MYH1: variants seen among roughly 807,000 people sequenced by gnomAD.
The protein encoded by MYH1 is myosin-1.
A neutral mutation model predicts 225.6 loss-of-function variants in MYH1; 214 were observed. The ratio of observed to expected loss-of-function variants is 0.95; its 90% CI spans 0.85 to 1.06. The LOEUF (loss-of-function observed/expected upper bound fraction) is 1.06, where lower values mean the gene tolerates loss of function less well. Among genes scored for constraint, MYH1 ranks in the 50% least tolerant of loss-of-function variants. The pLI is 0.00. For missense variants in MYH1, 2,098 were observed against 2,344.2 expected (o/e 0.89, Z 2.17); for synonymous variants, 774 against 842.3 (o/e 0.92, Z 1.40).
At chr17:10,503,287 TTC>T (rs1387653331) in intron 22 of MYH1, 39 bp from the exon 23 acceptor site, 1 of 1,594,148 alleles carries the variant, frequency 6.3e-7, no homozygotes, top group Admixed American at 1.8e-5. Flanking sequence ...TTTATGAAAA[TTC>T]CTAGACATTT....
chr17:10,513,867 G>A lies in MYH1; in HGVS notation c.695C>T (p.Ala232Val), dbSNP rs778512147. 2 of 1,614,166 alleles carry A rather than the reference G, an allele frequency of 1.2e-6. No individual in the cohort carries two copies. Among genetic ancestry groups the A allele is most frequent in the East Asian group, 2.2e-5 (1 of 44,874 alleles). The stretch of plus-strand genomic sequence containing the variant: ...CCTCACGGTCTTGGCGTTGCCAAAG[G>A]CCTCCAGTAGGGGGTTGGCACTGAT... The part of the protein sequence containing the change: ...QIISANPLLE[A>V]FGNAKTVRND... The change falls in exon 8 of 40, where the codon GCC (alanine) becomes GTC (valine). Residue 232 changes from alanine to valine, a missense_variant. Transcript: ENST00000226207.
At chr17:10,506,389 A>C (rs536295018) in intron 17 of MYH1, among the ~76,000 whole-genome samples, 1 of 152,296 alleles carries the variant, frequency 6.6e-6, no homozygotes, top group East Asian at 1.9e-4. Context: ...AAATATATGG[A>C]AATACTCTAC....
chr17:10,508,297 G>A (rs1287942683), intron 16 of MYH1, 66 bp downstream of exon 16: 7 of 1,502,554 alleles, frequency 4.7e-6, no homozygotes, highest in Non-Finnish European at 5.4e-6. Flanking sequence ...GGGATTACAG[G>A]CACCGTGTCT....
Position 10,512,492 on chromosome 17 carries a change from G to T in MYH1, c.1063C>A (p.Leu355Ile). ...TSDERVSIYK[L>I]TGAVMHYGNM... ...CCATAATGCATCACAGCCCCTGTGA[G>T]CTTATAGATGGACACTCTTTCATCT... Residue 355 changes from leucine (L) to isoleucine (I), a missense_variant, in exon 12 of 40, where the codon CTC (leucine) becomes ATC (isoleucine). Transcript: ENST00000226207. The T allele has an allele frequency of 6.2e-7, 1 of 1,614,056 alleles. No individual in the cohort carries two copies. The highest frequency in any genetic ancestry group is 8.5e-7 in the Non-Finnish European group (1 of 1,179,984).
intron 6 of MYH1, 51 bp downstream of exon 6, chr17:10,514,817 T>G: frequency 6.4e-7 from 1 of 1,555,288 alleles, no homozygotes; most frequent in Non-Finnish European, 8.8e-7. Flanking sequence ...TGGTTTGTCA[T>G]TTTTCCAGTA....
At position 10,508,419 on chromosome 17, in the gene MYH1, T is replaced by C. The variant is rs2073137651; in HGVS notation, c.1841A>G (p.Lys614Arg). The C allele has an allele frequency of 1.2e-6, 2 of 1,614,198 alleles. No individual in the cohort carries two copies. The change falls in exon 16 of 40, where the codon AAG (lysine) becomes AGG (arginine). Residue 614 changes from lysine to arginine, a missense_variant. Transcript: ENST00000226207. ...LNETVVGLYQ[K>R]SAMKTLALLF... ...GAGAGCCAGAGTCTTCATTGCAGAC[T>C]TCTGGTACAGCCCCACCACAGTCTC...
Position 10,505,161 on chromosome 17 carries a change from A to G in MYH1, c.2435+2T>C. On this transcript the variant is annotated splice_donor_variant, in intron 21 of 39. Coordinates refer to ENST00000226207, the MANE Select transcript of MYH1 (RefSeq NM_005963.4). LOFTEE classifies it high-confidence loss of function. ...GGTTAAGTAAAGAATTCTTATTAAT[A>G]CCTTCTTTCCACCATTTTCTGGTAC... 4 of 1,614,058 alleles carry G rather than the reference A, an allele frequency of 2.5e-6. No individual in the cohort carries two copies. Among genetic ancestry groups the G allele is most frequent in the Non-Finnish European group, 3.4e-6 (4 of 1,180,004 alleles).
chr17:10,513,006 C>T (rs1012215352), intron 9 of MYH1, 41 bp from the exon 10 acceptor site: 2 of 1,392,620 alleles, frequency 1.4e-6, no homozygotes, highest in Non-Finnish European at 2.0e-6. Flanking sequence ...GGAAAAATTA[C>T]ACAATGTCCT....
chr17:10,504,767 A>C lies in MYH1; in HGVS notation c.2691+43T>G. ...CTCTCCTTAGTGACCACTGAGCTGA[A>C]GTTTTAGCATCAGATTGCAGGAAAT... On this transcript the variant is annotated intron_variant, in intron 22 of 39. Coordinates refer to ENST00000226207, the MANE Select transcript of MYH1 (RefSeq NM_005963.4). 3 of 1,607,720 alleles carry C rather than the reference A, an allele frequency of 1.9e-6. No individual in the cohort carries two copies. In the South Asian group the frequency reaches 3.3e-5, roughly 18 times the overall value.
intron 24 of MYH1, 97 bp downstream of exon 24, chr17:10,502,641 C>G: frequency 6.4e-7 from 1 of 1,551,850 alleles, no homozygotes. Flanking sequence ...ATAGGAGGCA[C>G]TTGATAAGTA....
chr17:10,507,813 A>T, intron 17 of MYH1, 73 bp downstream of exon 17: 2 of 1,234,936 alleles, frequency 1.6e-6, no homozygotes, highest in Non-Finnish European at 2.4e-6. Flanking sequence ...TTGCAAGGTT[A>T]GTTTTTTCCC....
intron 14 of MYH1, among the ~76,000 whole-genome samples, chr17:10,510,481 G>A (rs768551611): frequency 1.3e-5 from 2 of 152,140 alleles, no homozygotes; most frequent in Non-Finnish European, 2.9e-5. Context: ...AAGGGTCATG[G>A]CAGGAACCCC....
chr17:10,509,529 C>G lies in MYH1; in HGVS notation c.1543G>C (p.Asp515His). ...KKEGIEWTFI[D>H]FGMDLAACIE... is the part of the protein sequence containing the mutation. Reference sequence around the variant, plus strand: ...CAGGCAGCCAGGTCCATCCCAAAGTCAATGAACGTCCACTCAATGCCTTCC... The same window carrying G: ...CAGGCAGCCAGGTCCATCCCAAAGTGAATGAACGTCCACTCAATGCCTTCC... Residue 515 changes from aspartate to histidine, a missense_variant, in exon 15 of 40, where the codon GAC becomes CAC. Physicochemically the swap from Asp to His is moderately conservative, Grantham distance 81. Transcript: ENST00000226207. 6.2e-7 allele frequency: 1 copy of G among 1,614,194 alleles called. No individual in the cohort carries two copies. Among genetic ancestry groups the G allele is most frequent in the Non-Finnish European group, 8.5e-7 (1 of 1,180,046 alleles).
rs2073223743 is a variant in MYH1 at position 10,516,040 on chromosome 17, A to G, written c.391T>C (p.Trp131Arg). Residue 131 changes from tryptophan to arginine, a missense_variant, in exon 5 of 40, where the codon TGG (tryptophan) becomes CGG (arginine). Physicochemically the swap from Trp to Arg is moderately radical, Grantham distance 101. Transcript: ENST00000226207. ...ACCTCTGCATTATACACTGGCAACC[A>G]CTTGTAGGGGTTGACAGTGACACAG... ...LFCVTVNPYK[W>R]LPVYNAEVVT... The G allele has an allele frequency of 3.1e-6, 5 of 1,614,056 alleles. No homozygotes were observed. The highest frequency in any genetic ancestry group is 4.2e-6 in the Non-Finnish European group (5 of 1,180,040).
Position 10,497,921 on chromosome 17 carries a change from T to C in MYH1, c.4182-4A>G, listed in dbSNP as rs538092250. The C allele has an allele frequency of 9.4e-6, 15 of 1,594,796 alleles. No homozygotes were observed. Among genetic ancestry groups the C allele is most frequent in the African/African-American group, 6.8e-5 (5 of 73,568 alleles). ...CAGACGCTGAGCCAGCTTCTTCCTA[T>C]GAAATATGGGCAATAAAAGTGAATG... On this transcript the variant is annotated splice_region_variant and splice_polypyrimidine_tract_variant and intron_variant, in intron 30 of 39. Transcript: ENST00000226207.
In MYH1 at chr17:10,512,981, G is replaced by A. The variant is rs1427883387; in HGVS notation, c.806-16C>T. On this transcript the variant is annotated splice_polypyrimidine_tract_variant and intron_variant, in intron 9 of 39. Coordinates refer to ENST00000226207, the MANE Select transcript of MYH1 (RefSeq NM_005963.4). ...TCCAGAAGATCTGCAACGGATAGTA[G>A]ACATCAGATTATGGGGAAAAATTAC... The A allele has an allele frequency of 2.6e-6, 4 of 1,565,106 alleles. No homozygotes were observed. Among genetic ancestry groups the A allele is most frequent in the East Asian group, 2.2e-5 (1 of 44,606 alleles).
intron 2 of MYH1, 108 bp from the exon 3 acceptor site, chr17:10,516,790 A>T: frequency 2.2e-6 from 2 of 920,180 alleles, no homozygotes; most frequent in Non-Finnish European, 3.2e-6. Context: ...TTAGCATTGC[A>T]TTGGGTATGA....
Position 10,504,906 on chromosome 17 carries a change from T to C in MYH1, c.2595A>G (p.Glu865=), listed in dbSNP as rs539509169. Residue 865 remains glutamate (E), a synonymous_variant, in exon 22 of 40, where the codon GAA becomes GAG. Transcript: ENST00000226207. ...TTTTTGCCTCGGTCTTAGCCAGCTC[T>C]TCTTTGGTTTTCTCAAATTCTTCCT... ...NMKEEFEKTK[E]ELAKTEAKRK... 1.9e-6 allele frequency: 3 copies of C among 1,614,194 alleles called. No homozygotes were observed. The South Asian group carries it at 3.3e-5, about 18-fold the overall frequency.
At position 10,496,415 on chromosome 17, in the gene MYH1, G is replaced by A. The variant is rs138249334; in HGVS notation, c.4791C>T (p.Ile1597=). The A allele has an allele frequency of 6.0e-4, 966 of 1,613,942 alleles. No homozygotes were observed. The highest frequency in any genetic ancestry group is 1.5e-3 in the Middle Eastern group (9 of 6,062). The change falls in exon 34 of 40, where the codon ATC becomes ATT. Residue 1597 remains isoleucine (I), a synonymous_variant. Transcript: ENST00000226207. The part of the protein sequence containing the change: ...IDQMKRNHIR[I]VESMQSTLDA... ...CCAGTGTGCTCTGCATGGACTCCAC[G>A]ATTCTAATGTGGTTTCTCTTCATCT...
Sources: allele counts gnomAD v4.1 joint callset (sites outside exome capture counted in the v4.1 genomes callset), GRCh38; gene constraint gnomAD v4.1.1; transcripts MANE v1.5; gene names NCBI Gene and HGNC (gene_info 2026-07-23, HGNC 2026-07-21).